Variants in HMBOX1 observed in about 807,000 individuals in gnomAD.
The protein encoded by HMBOX1 is homeobox-containing protein 1.
Under a neutral mutation model 54.5 loss-of-function variants are expected in HMBOX1, and 14 were observed. The ratio of observed to expected loss-of-function variants is 0.26; its 90% CI spans 0.17 to 0.40. The LOEUF is 0.40. Among genes scored for constraint, HMBOX1 ranks in the 10% least tolerant of loss-of-function variants. The pLI, the probability that HMBOX1 is intolerant of heterozygous loss-of-function variation, is 1.00. For missense variants in HMBOX1, 332 were observed against 514.4 expected (o/e 0.65, Z 3.43); for synonymous variants, 160 against 181.0 (o/e 0.88, Z 0.93).
Position 28,980,124 on chromosome 8 carries a change from G to A in HMBOX1, c.554G>A (p.Arg185Lys). The change falls in exon 4 of 10, where the codon AGG becomes AAG. Residue 185 changes from arginine (R) to lysine (K), a missense_variant. Arg to Lys is a conservative substitution (Grantham distance 26). Around this residue, in one of 4 missense-constraint regions of HMBOX1, gnomAD observed 117 missense variants for 220.0 expected, o/e 0.53. Transcript: ENST00000287701. ...EEIKAFLANR[R>K]ISQAVVAQVT... ...ATCAAAGCCTTTCTTGCCAATCGGA[G>A]GATTTCCCAAGCAGTTGTTGCACAG... 1 of 1,613,878 alleles carries A rather than the reference G, an allele frequency of 6.2e-7. No individual in the cohort carries two copies. The highest frequency in any genetic ancestry group is 8.5e-7 in the Non-Finnish European group (1 of 1,179,804).
chr8:28,963,019 T>C (rs1027969196), intron 1 of HMBOX1, among the ~76,000 whole-genome samples: 3 of 152,120 alleles, frequency 2.0e-5, no homozygotes, highest in Non-Finnish European at 4.4e-5. Context: ...AAAAATGTGT[T>C]TGTGGCCCAG....
intron 1 of HMBOX1, among the ~76,000 whole-genome samples, chr8:28,962,909 C>A (rs1825852658): frequency 6.6e-6 from 1 of 152,126 alleles, no homozygotes; most frequent in East Asian, 1.9e-4. Flanking sequence ...TCCTAAGCTC[C>A]TCTACTGTTG....
intron 1 of HMBOX1, among the ~76,000 whole-genome samples, chr8:28,941,086 TA>T (rs772916702): frequency 6.6e-6 from 1 of 152,224 alleles, no homozygotes; most frequent in Non-Finnish European, 1.5e-5. Flanking sequence ...GAAAAGCATG[TA>T]AAGAAAAATT....
At chr8:28,957,762 A>G (rs1253571852) in intron 1 of HMBOX1, among the ~76,000 whole-genome samples, 2 of 152,154 alleles carry the variant, frequency 1.3e-5, no homozygotes, top group African/African-American at 2.4e-5. Context: ...AGCTGGGATT[A>G]TAGGTGTGTG....
At chr8:28,964,297 A>G (rs925529187) in intron 2 of HMBOX1, among the ~76,000 whole-genome samples, 2 of 152,156 alleles carry the variant, frequency 1.3e-5, no homozygotes, top group Non-Finnish European at 2.9e-5. Flanking sequence ...CCTTTTGTGT[A>G]AAAACTCCTA....
intron 6 of HMBOX1, among the ~76,000 whole-genome samples, chr8:29,040,754 C>G (rs142410053): frequency 6.6e-6 from 1 of 151,998 alleles, no homozygotes; most frequent in African/African-American, 2.4e-5. Context: ...TTTTCTTTAG[C>G]CTTTGATTTG....
At chr8:29,010,428 A>ATGCC (rs1418493827) in intron 5 of HMBOX1, among the ~76,000 whole-genome samples, 1 of 152,062 alleles carries the variant, frequency 6.6e-6, no homozygotes, top group Admixed American at 6.5e-5. Flanking sequence ...GTGGTGGGGC[A>ATGCC]TGCCTGTATC....
intron 1 of HMBOX1, among the ~76,000 whole-genome samples, chr8:28,945,202 T>C (rs1400575342): frequency 6.6e-6 from 1 of 152,236 alleles, no homozygotes; most frequent in Non-Finnish European, 1.5e-5. Flanking sequence ...GTGCCTACTT[T>C]AGGAGCTTCT....
chr8:28,960,468 A>G (rs971571167), intron 1 of HMBOX1, among the ~76,000 whole-genome samples: 5 of 151,096 alleles, frequency 3.3e-5, no homozygotes, highest in South Asian at 2.1e-4. Context: ...GGACATAGGG[A>G]AAAAAAAACT....
chr8:28,967,913 T>G (rs1227972647), intron 2 of HMBOX1, among the ~76,000 whole-genome samples: 2 of 152,210 alleles, frequency 1.3e-5, no homozygotes, highest in African/African-American at 4.8e-5. Flanking sequence ...GCCTGCAACA[T>G]GTTTAGGTCC....
At chr8:28,903,917 A>T (rs1192098123) in intron 1 of HMBOX1, among the ~76,000 whole-genome samples, 1 of 152,202 alleles carries the variant, frequency 6.6e-6, no homozygotes, top group African/African-American at 2.4e-5. Context: ...CACTACTGCA[A>T]TGGGAGTGCT....
chr8:28,982,038 C>T (rs1829418685), intron 4 of HMBOX1, among the ~76,000 whole-genome samples: 1 of 152,004 alleles, frequency 6.6e-6, no homozygotes, highest in Non-Finnish European at 1.5e-5. Flanking sequence ...GAGATCAAGA[C>T]CATCCTGGCT....
At chr8:28,943,852 G>T (rs1351469385) in intron 1 of HMBOX1, among the ~76,000 whole-genome samples, 2 of 152,200 alleles carry the variant, frequency 1.3e-5, no homozygotes, top group Non-Finnish European at 2.9e-5. Flanking sequence ...TACAAAGTCA[G>T]TGGTGACAGA....
intron 4 of HMBOX1, among the ~76,000 whole-genome samples, chr8:28,991,310 T>G (rs1487630909): frequency 6.6e-6 from 1 of 152,224 alleles, no homozygotes; most frequent in Non-Finnish European, 1.5e-5. Flanking sequence ...TTGCCTAAAA[T>G]AACAGATTTA....
At chr8:28,947,026 A>T (rs923977563) in intron 1 of HMBOX1, among the ~76,000 whole-genome samples, 2 of 152,214 alleles carry the variant, frequency 1.3e-5, no homozygotes, top group Admixed American at 1.3e-4. Context: ...AGAATACATT[A>T]TCTTGAGGAA....
At chr8:29,047,819 G>A (rs532888327) in intron 8 of HMBOX1, among the ~76,000 whole-genome samples, 6 of 151,970 alleles carry the variant, frequency 3.9e-5, no homozygotes, top group South Asian at 2.1e-4. Context: ...CGTCCGCCTC[G>A]GCCTCCCAAA....
intron 7 of HMBOX1, among the ~76,000 whole-genome samples, chr8:29,046,002 C>G (rs537833451): frequency 6.6e-6 from 1 of 152,274 alleles, no homozygotes; most frequent in East Asian, 1.9e-4. Flanking sequence ...TTAAATATTT[C>G]AAATGTATTT....
At chr8:29,024,097 C>T (rs1032466239) in intron 6 of HMBOX1, among the ~76,000 whole-genome samples, 1 of 152,236 alleles carries the variant, frequency 6.6e-6, no homozygotes, top group South Asian at 2.1e-4. Flanking sequence ...AGAACTTTCC[C>T]TCATCAACAA....
intron 1 of HMBOX1, among the ~76,000 whole-genome samples, chr8:28,898,500 G>A (rs906325733): frequency 1.3e-5 from 2 of 152,204 alleles, no homozygotes; most frequent in African/African-American, 4.8e-5. Flanking sequence ...GCTGTTTTGG[G>A]TTGAAGAAGA....
Sources: gnomAD v4.1 joint callset for allele counts (sites outside exome capture counted in the v4.1 genomes callset) on GRCh38, gnomAD v4.1.1 for gene constraint, gnomAD v4.1.1 regional missense constraint, MANE v1.5 for transcripts, NCBI Gene and HGNC (gene_info 2026-07-23, HGNC 2026-07-21) for gene names.